SYT13: variants seen among roughly 807,000 people sequenced by gnomAD.
SYT13 encodes the protein synaptotagmin-13.
In SYT13, 21 loss-of-function variants were observed where a neutral mutation model predicts 38.6. The observed-to-expected ratio is 0.54, with a 90% CI of 0.39 to 0.78. The LOEUF is 0.78. Ranked by LOEUF, SYT13 falls within the 30% of genes least tolerant of loss-of-function variation. The pLI is 0.00. For missense variants in SYT13, 495 were observed against 548.7 expected (o/e 0.90, Z 0.98); for synonymous variants, 241 against 237.6 (o/e 1.01, Z -0.13).
chr11:45,244,508 A>G lies in SYT13; in HGVS notation c.977-152T>C, dbSNP rs893873597. 7 of 942,870 alleles carry G rather than the reference A, an allele frequency of 7.4e-6. No homozygotes were observed. In the African/African-American group the frequency reaches 1.0e-4, roughly 13 times the overall value. The allele number at this position is 942,870 out of a possible 1,614,324, so 58.4% of individuals were successfully genotyped here. ...TGCCCCATATACCCAAACATCTTAG[A>G]GGCCTCAGTTTTTCCTTCTGGATAC... is the stretch of plus-strand genomic sequence containing the variant. On this transcript the variant is annotated intron_variant, in intron 5 of 5. Coordinates refer to ENST00000020926, the MANE Select transcript of SYT13 (RefSeq NM_020826.3).
chr11:45,256,102 T>G (rs1304350096), intron 1 of SYT13, among the ~76,000 whole-genome samples: 1 of 152,122 alleles, frequency 6.6e-6, no homozygotes, highest in Non-Finnish European at 1.5e-5. Flanking sequence ...GCCTTGTTCA[T>G]CCATACCTCC....
intron 1 of SYT13, among the ~76,000 whole-genome samples, chr11:45,265,993 CAA>C: frequency 6.6e-6 from 1 of 152,198 alleles, no homozygotes; most frequent in South Asian, 2.1e-4. Context: ...ACATATTTGT[CAA>C]AATTCATTAA....
At chr11:45,247,237 CG>C (rs1398899016) in intron 4 of SYT13, among the ~76,000 whole-genome samples, 3 of 152,166 alleles carry the variant, frequency 2.0e-5, no homozygotes, top group African/African-American at 7.2e-5. Flanking sequence ...CAAGAATGAC[CG>C]AAAGACCCCT....
rs1855136383 is a variant in SYT13 at position 45,286,316 on chromosome 11, C to T, written c.-109G>A. 7.7e-7 allele frequency: 1 copy of T among 1,298,200 alleles called. No individual in the cohort carries two copies. Among genetic ancestry groups the T allele is most frequent in the Non-Finnish European group, 1.0e-6 (1 of 983,242 alleles). 80.4% of individuals were successfully genotyped at this position (1,298,200 alleles called of 1,614,324 possible). ...CCGGGCGAGCCAGCAGCTCTCCCGC[C>T]GCCAGAGGGGCGGGGACGGAGGGAG... On this transcript the variant is annotated 5_prime_UTR_variant, in exon 1 of 6. Coordinates refer to ENST00000020926, the MANE Select transcript of SYT13 (RefSeq NM_020826.3).
At chr11:45,261,708 G>C (rs992342965) in intron 1 of SYT13, among the ~76,000 whole-genome samples, 1 of 152,076 alleles carries the variant, frequency 6.6e-6, no homozygotes, top group African/African-American at 2.4e-5. Context: ...TTGAGGTCAG[G>C]AGTTCCAGAC....
chr11:45,254,649 A>C, intron 2 of SYT13: 2 of 407,512 alleles, frequency 4.9e-6, no homozygotes, highest in Non-Finnish European at 8.6e-6. Flanking sequence ...ACAACAATCT[A>C]CTCTCCCTGC....
rs759400251 is a variant in SYT13, at chr11:45,241,175, C to A, written c.*2877G>T. The A allele has an allele frequency of 3.3e-5, 5 of 152,222 alleles. No homozygotes were observed. The highest frequency in any genetic ancestry group is 6.5e-5 in the Admixed American group (1 of 15,290). The allele number at this position is 152,222 out of a possible 1,614,324, so 9.4% of individuals were successfully genotyped here. A position where few individuals can be genotyped will look rare whatever the true frequency, so the allele number is the denominator to read the frequency against. On this transcript the variant is annotated 3_prime_UTR_variant, in exon 6 of 6. Coordinates refer to ENST00000020926, the MANE Select transcript of SYT13 (RefSeq NM_020826.3). ...AGCTTGACTGCTAAGACATCTGATG[C>A]CTTTACCATTGAGAACTCAGCTAGG...
At chr11:45,278,825 C>T (rs941075268) in intron 1 of SYT13, among the ~76,000 whole-genome samples, 30 of 152,158 alleles carry the variant, frequency 2.0e-4, no homozygotes, top group African/African-American at 4.1e-4. Context: ...GTATTTCCAG[C>T]GGGTATGTGC....
intron 1 of SYT13, among the ~76,000 whole-genome samples, chr11:45,262,318 G>A (rs1050290605): frequency 2.6e-5 from 4 of 152,214 alleles, no homozygotes; most frequent in Non-Finnish European, 5.9e-5. Flanking sequence ...GGCTGGGGCA[G>A]GGGAAAATGG....
chr11:45,279,359 A>G (rs1435509537), intron 1 of SYT13, among the ~76,000 whole-genome samples: 1 of 152,246 alleles, frequency 6.6e-6, no homozygotes, highest in East Asian at 1.9e-4. Flanking sequence ...AGTCAGGAGG[A>G]TGGCCTGAGC....
chr11:45,279,779 C>T (rs1855050510), intron 1 of SYT13, among the ~76,000 whole-genome samples: 1 of 152,128 alleles, frequency 6.6e-6, no homozygotes, highest in South Asian at 2.1e-4. Flanking sequence ...AAAATGAGTC[C>T]TGTAAAAGTC....
At chr11:45,254,220 C>T (rs1459025446) in intron 3 of SYT13, 50 bp downstream of exon 3, 5 of 1,563,642 alleles carry the variant, frequency 3.2e-6, no homozygotes, top group Non-Finnish European at 3.5e-6. Flanking sequence ...ACAGCTTCTC[C>T]AGGGGAGATA....
intron 4 of SYT13, among the ~76,000 whole-genome samples, chr11:45,248,453 A>C (rs928210901): frequency 5.9e-5 from 9 of 152,232 alleles, no homozygotes; most frequent in African/African-American, 2.2e-4. Flanking sequence ...AGATTCAGAA[A>C]GGGAACATCA....
chr11:45,285,723 T>C lies in SYT13; in HGVS notation c.183+302A>G, dbSNP rs567098926. 2.4e-3 allele frequency: 1,480 copies of C among 627,926 alleles called. 15 individuals carry two copies. The highest frequency in any genetic ancestry group is 6.8e-3 in the South Asian group (399 of 58,470). The allele number at this position is 627,926 out of a possible 1,614,324, so 38.9% of individuals were successfully genotyped here. On this transcript the variant is annotated intron_variant, in intron 1 of 5. Transcript: ENST00000020926. The stretch of plus-strand genomic sequence containing the variant: ...TTACCCTTCCCAGCCCTAATTCTTA[T>C]CCAGGTCCCCTTTCCTGTCCCCTCC...
rs115141464 is a variant in SYT13, at chr11:45,263,266, C to T, written c.184-7375G>A. 4.1e-3 allele frequency among the ~76,000 whole-genome samples: 618 copies of T among 152,318 alleles called. 5 individuals are homozygous for T. The highest frequency in any genetic ancestry group is 0.014 in the African/African-American group (590 of 41,562). On this transcript the variant is annotated intron_variant, in intron 1 of 5. Coordinates refer to ENST00000020926, the MANE Select transcript of SYT13 (RefSeq NM_020826.3). ...GGGAGTAAACAGGACAGATGCTGTCCTTCCCTTATGGGGCTTATGTTGGAA... is the reference window on the plus strand; with the variant it reads ...GGGAGTAAACAGGACAGATGCTGTCTTTCCCTTATGGGGCTTATGTTGGAA...
Position 45,254,269 on chromosome 11 carries a change from C to A in SYT13, c.544+1G>T. ...CCACGAGAGTCAAATAAGAGCCATA[C>A]CTTCCAGGCGAGTCACAAACAATTC... is the stretch of plus-strand genomic sequence containing the variant. On this transcript the variant is annotated splice_donor_variant, in intron 3 of 5. Coordinates refer to ENST00000020926, the MANE Select transcript of SYT13 (RefSeq NM_020826.3). LOFTEE classifies it high-confidence loss of function. The A allele has an allele frequency of 6.2e-7, 1 of 1,608,562 alleles. No individual in the cohort carries two copies. Among genetic ancestry groups the A allele is most frequent in the Non-Finnish European group, 8.5e-7 (1 of 1,177,528 alleles).
intron 1 of SYT13, among the ~76,000 whole-genome samples, chr11:45,282,317 T>C (rs1476084173): frequency 6.6e-6 from 1 of 152,144 alleles, no homozygotes; most frequent in Non-Finnish European, 1.5e-5. Flanking sequence ...AGTGAGGCAC[T>C]GTCTAAGAAG....
intron 1 of SYT13, among the ~76,000 whole-genome samples, chr11:45,282,015 G>T (rs1411165877): frequency 6.6e-6 from 1 of 152,196 alleles, no homozygotes; most frequent in Non-Finnish European, 1.5e-5. Context: ...CCCAGAAGTG[G>T]GCTGAGTGGC....
At chr11:45,245,713 G>T (rs1264815276) in intron 5 of SYT13, among the ~76,000 whole-genome samples, 1 of 152,192 alleles carries the variant, frequency 6.6e-6, no homozygotes, top group Non-Finnish European at 1.5e-5. Context: ...CCTGGGCTGG[G>T]GTATCCAGAA....
Sources: allele counts gnomAD v4.1 joint callset (sites outside exome capture counted in the v4.1 genomes callset), GRCh38; gene constraint gnomAD v4.1.1; transcripts MANE v1.5; gene names NCBI Gene and HGNC (gene_info 2026-07-23, HGNC 2026-07-21).